The following TDP1 variants were observed in gnomAD, a reference collection of about 807,000 sequenced individuals.
TDP1 encodes tyrosyl-DNA phosphodiesterase 1.
In TDP1, 64 loss-of-function variants were observed where a neutral mutation model predicts 81.5. The ratio of observed to expected loss-of-function variants is 0.79; its 90% CI spans 0.64 to 0.97. The LOEUF is 0.97. Among genes scored for constraint, TDP1 ranks in the 50% least tolerant of loss-of-function variants. The pLI, the probability that TDP1 is intolerant of heterozygous loss-of-function variation, is 0.00. For missense variants in TDP1, 723 were observed against 743.8 expected, an observed-to-expected ratio of 0.97 and a Z score of 0.33; for synonymous variants, 256 against 264.3, an observed-to-expected ratio of 0.97 and a Z score of 0.30.
At chr14:89,986,541 C>T (rs758807463) in intron 10 of TDP1, among the ~76,000 whole-genome samples, 1 of 152,228 alleles carries the variant, frequency 6.6e-6, no homozygotes, top group Non-Finnish European at 1.5e-5. Context: ...GAAAGTTCAA[C>T]TGTATGTTAA....
intron 15 of TDP1, among the ~76,000 whole-genome samples, chr14:90,025,728 T>C (rs931512540): frequency 6.6e-6 from 1 of 152,256 alleles, no homozygotes; most frequent in Non-Finnish European, 1.5e-5. Context: ...AGTCTCAATA[T>C]AGGAAAGCTG....
chr14:89,970,309 G>A (rs186999757), intron 5 of TDP1, among the ~76,000 whole-genome samples: 31 of 152,194 alleles, frequency 2.0e-4, no homozygotes, highest in Admixed American at 1.8e-3. Context: ...CATTTTCAAC[G>A]TAGCTTGGGC....
chr14:89,980,668 G>A, intron 8 of TDP1, 36 bp downstream of exon 8: 1 of 1,538,692 alleles, frequency 6.5e-7, no homozygotes, highest in Non-Finnish European at 9.0e-7. Flanking sequence ...GGCAGTGTGT[G>A]TGTTGATAAA....
At chr14:89,983,003 A>G (rs969147329) in intron 8 of TDP1, 3 of 410,340 alleles carry the variant, frequency 7.3e-6, no homozygotes, top group South Asian at 1.8e-5. Flanking sequence ...TAAAGAATAA[A>G]ATAAAATTAT....
chr14:89,980,520 A>G lies in TDP1; in HGVS notation c.792-20A>G. 1 of 1,604,736 alleles carries G rather than the reference A, an allele frequency of 6.2e-7. No individual in the cohort carries two copies. Among genetic ancestry groups the G allele is most frequent in the Admixed American group, 1.7e-5 (1 of 60,018 alleles). Reference sequence around the variant, plus strand: ...TTGAAAGTACTATTAATGCTTTTTGATCCTTTGCTGTTTTTAAAGGAAAAT... The same window carrying G: ...TTGAAAGTACTATTAATGCTTTTTGGTCCTTTGCTGTTTTTAAAGGAAAAT... On this transcript the variant is annotated intron_variant, in intron 7 of 16. Transcript: ENST00000335725.
intron 16 of TDP1, among the ~76,000 whole-genome samples, chr14:90,033,830 G>A (rs1309879074): frequency 2.0e-5 from 3 of 152,158 alleles, no homozygotes; most frequent in Admixed American, 6.5e-5. Context: ...CTTGGAGGCC[G>A]AGGCAGGAAT....
At chr14:90,015,584 C>T (rs966582191) in intron 14 of TDP1, among the ~76,000 whole-genome samples, 2 of 152,208 alleles carry the variant, frequency 1.3e-5, no homozygotes, top group Admixed American at 6.5e-5. Context: ...TTTCATAGTT[C>T]TAGAGAATGG....
intron 15 of TDP1, chr14:90,023,067 T>C (rs760496625): frequency 2.6e-6 from 2 of 762,400 alleles, no homozygotes; most frequent in East Asian, 2.4e-5. Context: ...AAGTGGAGGC[T>C]TCGTTCTCTG....
rs568810177 is a variant in TDP1 at position 89,963,507 on chromosome 14, C to T, written c.393C>T (p.Gly131=). Reference sequence around the variant, plus strand: ...CTGCCCAAAGAACTGAAAATCATGGCGCTCCCGCCTGCCACAGGCTCAAAG... The same window carrying T: ...CTGCCCAAAGAACTGAAAATCATGGTGCTCCCGCCTGCCACAGGCTCAAAG... ...DGTAQRTENH[G]APACHRLKEE... Residue 131 remains glycine, a synonymous_variant, in exon 3 of 17, where the codon GGC becomes GGT. Transcript: ENST00000335725. 4.9e-5 allele frequency: 78 copies of T among 1,602,142 alleles called. No homozygotes were observed. Among genetic ancestry groups the T allele is most frequent in the South Asian group, 4.8e-4 (43 of 89,456 alleles).
intron 14 of TDP1, among the ~76,000 whole-genome samples, chr14:90,002,854 C>T (rs1897297860): frequency 6.6e-6 from 1 of 152,100 alleles, no homozygotes; most frequent in Non-Finnish European, 1.5e-5. Flanking sequence ...GCCTAGGCAA[C>T]AGAGTGAGAC....
At chr14:89,966,043 G>A in intron 3 of TDP1, 104 bp from the exon 4 acceptor site, 1 of 999,216 alleles carries the variant, frequency 1.0e-6, no homozygotes, top group Non-Finnish European at 1.6e-6. Context: ...ACTGTGTTCT[G>A]AGTCAGATCT....
At chr14:89,976,755 T>G (rs1381186899) in intron 7 of TDP1, among the ~76,000 whole-genome samples, 1 of 149,692 alleles carries the variant, frequency 6.7e-6, no homozygotes, top group Non-Finnish European at 1.5e-5. Context: ...CAGGCTGGTC[T>G]CAAACTCCTG....
intron 13 of TDP1, chr14:89,993,123 A>G (rs916091563): frequency 1.1e-5 from 11 of 980,756 alleles, no homozygotes; most frequent in Admixed American, 6.1e-5. Flanking sequence ...GCATGTATGT[A>G]TGTTCATGGC....
At chr14:90,014,820 C>T (rs949218639) in intron 14 of TDP1, among the ~76,000 whole-genome samples, 11 of 152,188 alleles carry the variant, frequency 7.2e-5, no homozygotes, top group Non-Finnish European at 1.2e-4. Context: ...TTGGTGATGG[C>T]AACTGTTCCC....
intron 16 of TDP1, among the ~76,000 whole-genome samples, chr14:90,040,091 C>T (rs1413374110): frequency 2.0e-5 from 3 of 152,146 alleles, no homozygotes; most frequent in Non-Finnish European, 4.4e-5. Flanking sequence ...AGATCAAAAC[C>T]ACATGGGCTG....
At chr14:90,023,186 G>T in intron 15 of TDP1, 1 of 696,310 alleles carries the variant, frequency 1.4e-6, no homozygotes, top group East Asian at 2.7e-5. Context: ...GGGACCATGT[G>T]GTCTGCCCGG....
At chr14:90,028,425 A>T (rs555401781) in intron 15 of TDP1, among the ~76,000 whole-genome samples, 2 of 152,260 alleles carry the variant, frequency 1.3e-5, no homozygotes, top group Admixed American at 6.5e-5. Context: ...GCTGCTAAAC[A>T]TAAATCATCA....
At chr14:89,965,702 CT>C in intron 3 of TDP1, 6 of 874,768 alleles carry the variant, frequency 6.9e-6, no homozygotes, top group Non-Finnish European at 8.2e-6. Flanking sequence ...GCCACAGGTG[CT>C]TTCCAGTCTT....
At chr14:90,013,336 T>G (rs189896545) in intron 14 of TDP1, among the ~76,000 whole-genome samples, 29 of 152,160 alleles carry the variant, frequency 1.9e-4, no homozygotes, top group African/African-American at 7.0e-4. Context: ...ATAATTCCCA[T>G]GTGTCATGGG....
Sources: gnomAD v4.1 joint callset for allele counts (sites outside exome capture counted in the v4.1 genomes callset) on GRCh38, gnomAD v4.1.1 for gene constraint, MANE v1.5 for transcripts, NCBI Gene and HGNC (gene_info 2026-07-23, HGNC 2026-07-21) for gene names.